Variants in PRH1 observed in about 807,000 individuals in gnomAD.
PRH1 encodes proline rich protein HaeIII subfamily 1.
PRH1 carries 7 observed loss-of-function variants against 7.9 expected under a neutral mutation model. The observed-to-expected ratio is 0.89, with a 90% CI of 0.50 to 1.67. PRH1 has a LOEUF of 1.67. PRH1 is among the 40% of genes most tolerant of loss of function. PRH1 has a pLI of 0.00. For synonymous variants in PRH1, 45 were observed against 80.8 expected (o/e 0.56, Z 2.38); for missense variants, 109 against 223.6 (o/e 0.49, Z 3.27).
intron 1 of PRH1, among the ~76,000 whole-genome samples, chr12:11,026,308 A>T (rs892892490): frequency 6.6e-6 from 1 of 152,170 alleles, no homozygotes; most frequent in Admixed American, 6.5e-5. Flanking sequence ...GACTGCAGGC[A>T]TGAGCCATCA....
intron 1 of PRH1, among the ~76,000 whole-genome samples, chr12:11,025,203 AGAGACGG>A (rs1409481500): frequency 2.0e-5 from 3 of 152,068 alleles, no homozygotes; most frequent in Non-Finnish European, 4.4e-5. Flanking sequence ...TATTTTTAGT[AGAGACGG>A]GGTTTCACCG....
upstream of PRH1, among the ~76,000 whole-genome samples, chr12:11,049,820 G>A (rs1943068771): frequency 2.0e-5 from 3 of 152,152 alleles, no homozygotes; most frequent in South Asian, 6.2e-4. Flanking sequence ...ATTTTGGAAA[G>A]TCCTGGGAGG....
At chr12:11,052,741 C>A (rs2708388) in intron 1 of PRH1, among the ~76,000 whole-genome samples, 148,729 of 152,210 alleles carry the variant, frequency 0.98, 72,736 homozygotes, top group Middle Eastern at 1. Context: ...TATCTCTTCT[C>A]GTGCTCTAAC....
intron 1 of PRH1, among the ~76,000 whole-genome samples, chr12:11,063,275 T>G (rs1943688019): frequency 1.3e-5 from 2 of 152,158 alleles, no homozygotes; most frequent in South Asian, 4.1e-4. Flanking sequence ...GCCCCTGAAC[T>G]TGGAGTACAA....
intron 1 of PRH1, among the ~76,000 whole-genome samples, chr12:11,148,031 T>G (rs573770861): frequency 6.8e-6 from 1 of 146,226 alleles, no homozygotes; most frequent in Non-Finnish European, 1.5e-5. Context: ...TCCTAGGTAT[T>G]TTATTCTCTT....
chr12:11,010,894 A>AT (rs775161681), intron 1 of PRH1, among the ~76,000 whole-genome samples: 2 of 151,650 alleles, frequency 1.3e-5, no homozygotes, highest in Non-Finnish European at 2.9e-5. Context: ...TAATTTCTCT[A>AT]TTTTTTCTTG....
At chr12:10,938,512 A>G in intron 2 of PRH1, 1 of 1,614,062 alleles carries the variant, frequency 6.2e-7, no homozygotes, top group African/African-American at 1.3e-5. Flanking sequence ...AAGTGATCAC[A>G]CTTTTAACTC....
chr12:10,910,830 T>C (rs1949888401), intron 2 of PRH1, among the ~76,000 whole-genome samples: 1 of 152,238 alleles, frequency 6.6e-6, no homozygotes, highest in Admixed American at 6.5e-5. Flanking sequence ...TTAATAAAGA[T>C]ATAATTTGTG....
chr12:10,946,888 T>TGTAC (rs1950495821), intron 2 of PRH1, among the ~76,000 whole-genome samples: 1 of 150,454 alleles, frequency 6.6e-6, no homozygotes, highest in Non-Finnish European at 1.5e-5. Flanking sequence ...CTTAAATTTA[T>TGTAC]CTAAAAGTCA....
At chr12:10,984,532 T>C (rs1248560018) in intron 1 of PRH1, among the ~76,000 whole-genome samples, 2 of 152,142 alleles carry the variant, frequency 1.3e-5, no homozygotes, top group Non-Finnish European at 2.9e-5. Flanking sequence ...TAAATACCTA[T>C]TCTATGTGTT....
chr12:11,111,418 C>A (rs1945587458), intron 1 of PRH1, among the ~76,000 whole-genome samples: 1 of 152,178 alleles, frequency 6.6e-6, no homozygotes, highest in South Asian at 2.1e-4. Context: ...CACTCCTCAG[C>A]AAATGCAAAA....
intron 1 of PRH1, among the ~76,000 whole-genome samples, chr12:11,098,661 G>A (rs1160355096): frequency 6.6e-6 from 1 of 152,084 alleles, no homozygotes; most frequent in East Asian, 1.9e-4. Flanking sequence ...TTACCAATAT[G>A]GACTTTTTAA....
chr12:10,917,400 C>T (rs1949987847), intron 2 of PRH1, among the ~76,000 whole-genome samples: 1 of 152,026 alleles, frequency 6.6e-6, no homozygotes, highest in African/African-American at 2.4e-5. Flanking sequence ...AATTCCATTG[C>T]TCATTGTTAA....
intron 2 of PRH1, among the ~76,000 whole-genome samples, chr12:10,949,318 T>A (rs1428763222): frequency 6.6e-6 from 1 of 152,176 alleles, no homozygotes. Flanking sequence ...GTTGACTGCA[T>A]CTTGTTGGAG....
chr12:11,038,462 T>C (rs1378393099), intron 1 of PRH1, among the ~76,000 whole-genome samples: 10 of 152,272 alleles, frequency 6.6e-5, no homozygotes, highest in African/African-American at 1.7e-4. Context: ...ATTACAATTA[T>C]TAAAAAGAAT....
chr12:10,962,436 C>T (rs1423808352), intron 2 of PRH1, among the ~76,000 whole-genome samples: 1 of 152,132 alleles, frequency 6.6e-6, no homozygotes, highest in Non-Finnish European at 1.5e-5. Context: ...TGATGTTCCA[C>T]CTTATCTCCA....
At chr12:10,987,961 C>T (rs959211881) in intron 1 of PRH1, among the ~76,000 whole-genome samples, 2 of 152,030 alleles carry the variant, frequency 1.3e-5, no homozygotes, top group African/African-American at 2.4e-5. Context: ...GATTTCACAC[C>T]GAGGTTTGAG....
At chr12:10,982,630 T>A (rs538743019) in intron 1 of PRH1, among the ~76,000 whole-genome samples, 306 of 152,294 alleles carry the variant, frequency 2.0e-3, no homozygotes, top group African/African-American at 7.1e-3. Context: ...TTGCAAAACA[T>A]CATGTTAATT....
At position 11,094,299 on chromosome 12, in the gene PRH1, CAAAAAAA is replaced by C. The variant is rs34742610; in HGVS notation, n.124-47118_124-47112del. Among the ~76,000 whole-genome samples the C allele has an allele frequency of 1.1e-3, 29 of 27,016 alleles. 3 individuals are homozygous for C. Among genetic ancestry groups the C allele is most frequent in the Middle Eastern group, 0.034 (2 of 58 alleles). 17.7% of individuals were successfully genotyped at this position (27,016 alleles called of 152,430 possible). On this transcript the variant is annotated intron_variant and non_coding_transcript_variant, in intron 1 of 4. Transcript: ENST00000541977. ...CCTGAGTGACAGACCAAGACTCTGT[CAAAAAAA>C]AAAAAAAAAAAAAAAAAAACCCGAC...
Sources: gnomAD v4.1 joint callset for allele counts (sites outside exome capture counted in the v4.1 genomes callset) on GRCh38, gnomAD v4.1.1 for gene constraint, MANE v1.5 for transcripts, NCBI Gene and HGNC (gene_info 2026-07-23, HGNC 2026-07-21) for gene names.